Variants in SCML1 observed in about 807,000 individuals in gnomAD.
SCML1 encodes the protein sex comb on midleg-like protein 1.
For synonymous variants in SCML1, 104 were observed against 103.6 expected, an observed-to-expected ratio of 1.00 and a Z score of -0.02; for missense variants, 137 against 258.1, an observed-to-expected ratio of 0.53 and a Z score of 3.22.
At chrX:17,739,848 CAAAAAA>C (rs747850155) in intron 1 of SCML1, among the ~76,000 whole-genome samples, 2 of 32,874 alleles carry the variant, frequency 6.1e-5, no homozygotes, top group African/African-American at 1.1e-4. Context: ...GACTCTGTCT[CAAAAAA>C]AAAAAAAAAA....
chrX:17,738,408 C>A (rs1056464877), intron 1 of SCML1, among the ~76,000 whole-genome samples: 6 of 112,155 alleles, frequency 5.3e-5, no homozygotes, highest in Non-Finnish European at 1.1e-4. Context: ...TAAAAGATAG[C>A]GATTTTCCAA....
At chrX:17,739,262 T>C (rs1045462415) in intron 1 of SCML1, among the ~76,000 whole-genome samples, 2 of 112,236 alleles carry the variant, frequency 1.8e-5, no homozygotes, top group Non-Finnish European at 3.8e-5. Flanking sequence ...AAAGTGAAAT[T>C]AATTCATTTT....
intron 5 of SCML1, 88 bp from the exon 6 acceptor site, chrX:17,749,806 C>A: frequency 1.2e-6 from 1 of 848,135 alleles, no homozygotes; most frequent in Non-Finnish European, 1.7e-6. Flanking sequence ...AGCAATGTTG[C>A]ATGGAAAATA....
chrX:17,752,136 T>C (rs1413093800), intron 7 of SCML1, among the ~76,000 whole-genome samples, 170 bp downstream of exon 7: 1 of 111,851 alleles, frequency 8.9e-6, no homozygotes, highest in Non-Finnish European at 1.9e-5. Flanking sequence ...AGGCTAATGG[T>C]CTGTTCTTTA....
chrX:17,747,488 C>T (rs2066653833), intron 4 of SCML1, among the ~76,000 whole-genome samples: 1 of 112,147 alleles, frequency 8.9e-6, no homozygotes, highest in Non-Finnish European at 1.9e-5. Flanking sequence ...CCACACCTGG[C>T]TTCCTGTTTT....
Position 17,749,486 on chromosome X carries a change from A to G in SCML1, c.285A>G (p.Arg95=), listed in dbSNP as rs774007276. 8.6e-7 allele frequency: 1 copy of G among 1,164,305 alleles called. No individual in the cohort carries two copies. The highest frequency in any genetic ancestry group is 2.3e-5 in the Admixed American group (1 of 44,173). ...CAAAAATCCAACGTTTCCATGCGAG[A>G]TCCCTGTGGACAAATCATGTAAGTG... ...KVSKIQRFHA[R]SLWTNHKRYG... Residue 95 remains arginine (R), a synonymous_variant, in exon 5 of 8, where the codon AGA becomes AGG. Coordinates refer to ENST00000380041, the MANE Select transcript of SCML1 (RefSeq NM_001037540.3).
intron 4 of SCML1, among the ~76,000 whole-genome samples, chrX:17,748,834 G>A (rs182927968): frequency 5.0e-4 from 56 of 111,871 alleles, no homozygotes; most frequent in African/African-American, 1.6e-3. Context: ...GTGTTCGATT[G>A]GCGCGTAAGA....
intron 1 of SCML1, among the ~76,000 whole-genome samples, chrX:17,740,518 G>C (rs2066585227): frequency 9.0e-6 from 1 of 111,340 alleles, no homozygotes. Flanking sequence ...AAAAAAAAAG[G>C]ATTTAAGTAA....
At chrX:17,748,305 G>A (rs1223763051) in intron 4 of SCML1, among the ~76,000 whole-genome samples, 2 of 111,747 alleles carry the variant, frequency 1.8e-5, no homozygotes, top group African/African-American at 6.5e-5. Flanking sequence ...CCAGGCTCAG[G>A]TGATTCTCCC....
chrX:17,744,102 G>A lies in SCML1; in HGVS notation c.-85G>A. On this transcript the variant is annotated 5_prime_UTR_variant, in exon 2 of 8. Transcript: ENST00000380041. Reference sequence around the variant, plus strand: ...AGGTTTACCACTCTTAGGTGACTAAGCAGTATCACAAATAAACCCTCCAGC... The same window carrying A: ...AGGTTTACCACTCTTAGGTGACTAAACAGTATCACAAATAAACCCTCCAGC... 1 of 816,780 alleles carries A rather than the reference G, an allele frequency of 1.2e-6. No individual in the cohort carries two copies. The allele number at this position is 816,780 out of a possible 1,213,427, so 67.3% of individuals were successfully genotyped here. A position where few individuals can be genotyped will look rare whatever the true frequency, so the allele number is the denominator to read the frequency against.
intron 4 of SCML1, among the ~76,000 whole-genome samples, chrX:17,747,823 G>C (rs190818744): frequency 8.9e-6 from 1 of 112,190 alleles, no homozygotes; most frequent in East Asian, 2.8e-4. Flanking sequence ...AGAACCCTGA[G>C]AGAGCTTTTC....
At chrX:17,749,211 C>T (rs950924665) in intron 4 of SCML1, among the ~76,000 whole-genome samples, 189 bp from the exon 5 acceptor site, 1 of 112,126 alleles carries the variant, frequency 8.9e-6, no homozygotes, top group African/African-American at 3.2e-5. Context: ...TCTAGCTCAG[C>T]CTGTTGGCTC....
intron 2 of SCML1, chrX:17,744,558 G>A (rs2147169017): frequency 6.6e-6 from 1 of 152,078 alleles, no homozygotes; most frequent in South Asian, 2.2e-4. Context: ...CATCCTTCAA[G>A]TTGAATCAGT....
chrX:17,741,908 G>A (rs1216162615), intron 1 of SCML1, among the ~76,000 whole-genome samples: 1 of 111,654 alleles, frequency 9.0e-6, no homozygotes, highest in Admixed American at 9.5e-5. Flanking sequence ...CAGTAATTTA[G>A]CAAGATAGAA....
intron 1 of SCML1, among the ~76,000 whole-genome samples, chrX:17,741,351 G>A (rs1437170985): frequency 9.0e-6 from 1 of 111,608 alleles, no homozygotes; most frequent in African/African-American, 3.3e-5. Flanking sequence ...CTCCTAACAG[G>A]CCAAGGACCA....
intron 2 of SCML1, chrX:17,745,073 A>C (rs2066631176): frequency 8.4e-6 from 1 of 118,817 alleles, no homozygotes; most frequent in Admixed American, 9.3e-5. Flanking sequence ...ATAGGTGCTC[A>C]AATGTTTTCT....
At position 17,746,062 on chromosome X, in the gene SCML1, A is replaced by G. The variant is rs763289378; in HGVS notation, c.162A>G (p.Gln54=). The change falls in exon 4 of 8, where the codon CAA becomes CAG. Residue 54 remains glutamine, a synonymous_variant. Transcript: ENST00000380041. The stretch of plus-strand genomic sequence containing the variant: ...ACGCATCCTGTAATACTGAAGAGCA[A>G]CTGAAGACAGTTGATGATGTCCTTA... ...VSDASCNTEE[Q]LKTVDDVLIH... 1 of 1,185,428 alleles carries G rather than the reference A, an allele frequency of 8.4e-7. No individual in the cohort carries two copies. The highest frequency in any genetic ancestry group is 3.0e-5 in the East Asian group (1 of 33,454).
At chrX:17,738,772 G>C (rs756365630) in intron 1 of SCML1, among the ~76,000 whole-genome samples, 1 of 112,225 alleles carries the variant, frequency 8.9e-6, no homozygotes, top group Non-Finnish European at 1.9e-5. Flanking sequence ...AAATCAGACG[G>C]CCTCTTGTTC....
Position 17,745,147 on chromosome X carries a change from C to A in SCML1, c.34-309C>A, listed in dbSNP as rs968655462. On this transcript the variant is annotated intron_variant, in intron 2 of 7. Coordinates refer to ENST00000380041, the MANE Select transcript of SCML1 (RefSeq NM_001037540.3). ...ATCAAAAAACATGTAACATTTATTT[C>A]TTTGTTCATGGTTAGAAATATTTGC... 9.8e-5 allele frequency: 16 copies of A among 164,055 alleles called. No homozygotes were observed. The Admixed American group carries it at 1.2e-3, about 13-fold the overall frequency. 13.5% of individuals were successfully genotyped at this position (164,055 alleles called of 1,213,427 possible).
Sources: gnomAD v4.1 joint callset for allele counts (sites outside exome capture counted in the v4.1 genomes callset) on GRCh38, gnomAD v4.1.1 for gene constraint, MANE v1.5 for transcripts, NCBI Gene and HGNC (gene_info 2026-07-23, HGNC 2026-07-21) for gene names.